Variants in FAM124A observed in about 807,000 individuals in gnomAD.
FAM124A encodes the protein protein FAM124A.
FAM124A carries 23 observed loss-of-function variants against 24.5 expected under a neutral mutation model. That is an observed-to-expected ratio of 0.94 (90% CI 0.68 to 1.33). The LOEUF (loss-of-function observed/expected upper bound fraction) is 1.33, where lower values mean the gene tolerates loss of function less well. FAM124A is among the 40% of genes most tolerant of loss of function. FAM124A has a pLI of 0.00. For synonymous variants in FAM124A, 287 were observed against 314.7 expected (o/e 0.91, Z 0.93); for missense variants, 623 against 722.8 (o/e 0.86, Z 1.58).
intron 3 of FAM124A, among the ~76,000 whole-genome samples, chr13:51,276,347 G>T (rs1464404265): frequency 2.6e-5 from 4 of 152,270 alleles, no homozygotes; most frequent in Admixed American, 2.0e-4. Context: ...TGCAGAGAAT[G>T]GAATTGGTAT....
In FAM124A at chr13:51,226,419, G is replaced by T. The variant is rs541072836; in HGVS notation, c.68+3850G>T. On this transcript the variant is annotated intron_variant, in intron 1 of 3. Transcript: ENST00000322475. Reference sequence around the variant, plus strand: ...CAATTAGAAGGGCAGGCAAGATGGGGTTTCTCTTTGGTGTAAATACAGCCC... The same window carrying T: ...CAATTAGAAGGGCAGGCAAGATGGGTTTTCTCTTTGGTGTAAATACAGCCC... 3.9e-5 allele frequency among the ~76,000 whole-genome samples: 6 copies of T among 152,218 alleles called. No homozygotes were observed. The East Asian group carries it at 1.2e-3, about 29-fold the overall frequency.
chr13:51,247,743 A>G (rs1954578261), intron 2 of FAM124A, among the ~76,000 whole-genome samples: 1 of 152,284 alleles, frequency 6.6e-6, no homozygotes, highest in South Asian at 2.1e-4. Context: ...GCATGTCTCC[A>G]CTGTTGGGAG....
rs1233436248 is a variant in FAM124A, at chr13:51,222,589, G to A, written c.68+20G>A. 4 of 1,221,982 alleles carry A rather than the reference G, an allele frequency of 3.3e-6. No individual in the cohort carries two copies. Among genetic ancestry groups the A allele is most frequent in the East Asian group, 6.5e-5 (2 of 30,580 alleles). The allele number at this position is 1,221,982 out of a possible 1,614,324, so 75.7% of individuals were successfully genotyped here. Reference sequence around the variant, plus strand: ...CGGAGGGTGAGCCGCGCCGGGCCGGGCCGCGGGCGGGGGGCGCTCTCCGAG... The same window carrying A: ...CGGAGGGTGAGCCGCGCCGGGCCGGACCGCGGGCGGGGGGCGCTCTCCGAG... On this transcript the variant is annotated intron_variant, in intron 1 of 3. Transcript: ENST00000322475.
intron 2 of FAM124A, among the ~76,000 whole-genome samples, chr13:51,232,453 A>T (rs1256264277): frequency 6.6e-6 from 1 of 152,212 alleles, no homozygotes; most frequent in African/African-American, 2.4e-5. Context: ...TAATTGGATT[A>T]TTCTATTTAT....
In FAM124A at chr13:51,283,267, T is replaced by C. The variant is rs1005092071; in HGVS notation, c.*2011T>C. ...CATGTTGGCCAGGTTGGTCTCAAAC[T>C]CCTGACTTCGTGATCCACCCACCTT... On this transcript the variant is annotated 3_prime_UTR_variant, in exon 4 of 4. Transcript: ENST00000322475. The C allele has an allele frequency of 2.0e-5, 3 of 152,154 alleles. No individual in the cohort carries two copies. Among genetic ancestry groups the C allele is most frequent in the Non-Finnish European group, 4.4e-5 (3 of 68,050 alleles). The allele number at this position is 152,154 out of a possible 1,614,324, so 9.4% of individuals were successfully genotyped here. A position where few individuals can be genotyped will look rare whatever the true frequency, so the allele number is the denominator to read the frequency against.
chr13:51,257,186 T>A (rs915953023), intron 3 of FAM124A, among the ~76,000 whole-genome samples: 3 of 152,240 alleles, frequency 2.0e-5, no homozygotes, highest in African/African-American at 7.2e-5. Flanking sequence ...TCAGTTCTTT[T>A]GCATGTATAC....
At chr13:51,265,280 C>T (rs9596489) in intron 3 of FAM124A, among the ~76,000 whole-genome samples, 5,991 of 152,202 alleles carry the variant, frequency 0.039, 370 homozygotes, top group African/African-American at 0.13. Flanking sequence ...CTCACCGCCT[C>T]AACTTCTGTG....
intron 3 of FAM124A, chr13:51,252,966 TATACTC>T (rs1954640787): frequency 6.6e-6 from 1 of 152,218 alleles, no homozygotes; most frequent in Non-Finnish European, 1.5e-5. Flanking sequence ...GATAATTAGT[TATACTC>T]AATTCAAAAT....
At chr13:51,277,949 C>G (rs1954899480) in intron 3 of FAM124A, among the ~76,000 whole-genome samples, 1 of 152,174 alleles carries the variant, frequency 6.6e-6, no homozygotes, top group Non-Finnish European at 1.5e-5. Flanking sequence ...ACTTTTGGAT[C>G]AGTTACTGAA....
Position 51,275,781 on chromosome 13 carries a change from T to A in FAM124A, c.835-4669T>A, listed in dbSNP as rs531924951. On this transcript the variant is annotated intron_variant, in intron 3 of 3. Coordinates refer to ENST00000322475, the MANE Select transcript of FAM124A (RefSeq NM_001242312.2). ...TACTTATAAATTCCTGGTAGAATTA[T>A]GTATCGACGCAACCAATTTGGAAAC... is the stretch of plus-strand genomic sequence containing the variant. 2.3e-4 allele frequency among the ~76,000 whole-genome samples: 35 copies of A among 152,334 alleles called. No homozygotes were observed. In the South Asian group the frequency reaches 6.8e-3, roughly 30 times the overall value.
intron 2 of FAM124A, among the ~76,000 whole-genome samples, chr13:51,232,686 C>G (rs1333126335): frequency 6.6e-6 from 1 of 152,186 alleles, no homozygotes; most frequent in South Asian, 2.1e-4. Flanking sequence ...TTCCCCAAAG[C>G]TCCTGCATTC....
At chr13:51,239,253 A>G (rs536020610) in intron 2 of FAM124A, among the ~76,000 whole-genome samples, 1 of 152,358 alleles carries the variant, frequency 6.6e-6, no homozygotes, top group East Asian at 1.9e-4. Flanking sequence ...CAGAAAAATC[A>G]GAGAATACAG....
intron 1 of FAM124A, among the ~76,000 whole-genome samples, chr13:51,230,648 T>C (rs1419077707): frequency 6.6e-6 from 1 of 152,196 alleles, no homozygotes; most frequent in Non-Finnish European, 1.5e-5. Flanking sequence ...ATTAAGCAGA[T>C]CCTTGGCCAG....
At chr13:51,228,266 G>C (rs1239831506) in intron 1 of FAM124A, among the ~76,000 whole-genome samples, 1 of 152,104 alleles carries the variant, frequency 6.6e-6, no homozygotes, top group Non-Finnish European at 1.5e-5. Flanking sequence ...CTAGGCTGCT[G>C]TCTGATAGGG....
At chr13:51,268,304 G>A (rs1954808406) in intron 3 of FAM124A, among the ~76,000 whole-genome samples, 2 of 152,170 alleles carry the variant, frequency 1.3e-5, no homozygotes, top group Non-Finnish European at 2.9e-5. Flanking sequence ...TAATGAGAAC[G>A]GCTGAAGAAA....
In FAM124A at chr13:51,251,544, G is replaced by A; in HGVS notation, c.177G>A (p.Gln59=). The stretch of plus-strand genomic sequence containing the variant: ...TAATCGCAGACCCAGGGGAGTCCCA[G>A]CCCCTGCAGGAGGCCATCGACAACG... ...IHIIADPGES[Q]PLQEAIDNVL... is the part of the protein sequence containing the mutation. The change falls in exon 3 of 4, where the codon CAG becomes CAA. Residue 59 remains glutamine, a synonymous_variant. Transcript: ENST00000322475. The surrounding 1 kb of genome is among the most constrained non-coding windows in gnomAD (Gnocchi z 5.3). 1 of 1,526,588 alleles carries A rather than the reference G, an allele frequency of 6.6e-7. No homozygotes were observed. The highest frequency in any genetic ancestry group is 8.8e-7 in the Non-Finnish European group (1 of 1,135,802). The allele number at this position is 1,526,588 out of a possible 1,614,324, so 94.6% of individuals were successfully genotyped here.
Position 51,281,090 on chromosome 13 carries a change from C to T in FAM124A, c.1475C>T (p.Ala492Val), listed in dbSNP as rs755480597. ...FFTKRSSSSS[A>V]TARAAPPAPS... is the part of the protein sequence containing the mutation. ...ACCAAAAGGTCTTCCAGCTCCTCAG[C>T]GACAGCTCGTGCTGCTCCCCCAGCT... The change falls in exon 4 of 4, where the codon GCG (alanine) becomes GTG (valine). Residue 492 changes from alanine to valine, a missense_variant. Physicochemically the swap from Ala to Val is moderately conservative, Grantham distance 64. Transcript: ENST00000322475. 24 of 1,614,002 alleles carry T rather than the reference C, an allele frequency of 1.5e-5. No homozygotes were observed. The highest frequency in any genetic ancestry group is 2.2e-5 in the East Asian group (1 of 44,900).
intron 3 of FAM124A, among the ~76,000 whole-genome samples, chr13:51,267,693 C>G (rs1313748340): frequency 6.6e-6 from 1 of 152,082 alleles, no homozygotes; most frequent in Non-Finnish European, 1.5e-5. Flanking sequence ...AGAGAACCAG[C>G]TACTACTGAA....
intron 2 of FAM124A, among the ~76,000 whole-genome samples, chr13:51,248,169 C>A (rs1954583707): frequency 6.6e-6 from 1 of 152,228 alleles, no homozygotes; most frequent in Admixed American, 6.5e-5. Context: ...TTGGGCATCT[C>A]AAGCCAAGTG....
Sources: allele counts gnomAD v4.1 joint callset (sites outside exome capture counted in the v4.1 genomes callset), GRCh38; gene constraint gnomAD v4.1.1; non-coding constraint Gnocchi (gnomAD v3.1); transcripts MANE v1.5; gene names NCBI Gene and HGNC (gene_info 2026-07-23, HGNC 2026-07-21).